Variants in ESYT2 observed in about 807,000 individuals in gnomAD.
ESYT2 encodes the protein extended synaptotagmin-2.
Under a neutral mutation model 107.2 loss-of-function variants are expected in ESYT2, and 54 were observed. That is an observed-to-expected ratio of 0.50 (90% CI 0.40 to 0.63). The LOEUF (loss-of-function observed/expected upper bound fraction) is 0.63, where lower values mean the gene tolerates loss of function less well. Ranked by LOEUF, ESYT2 falls within the 30% of genes least tolerant of loss-of-function variation. The probability of loss-of-function intolerance (pLI) is 0.00; values close to 1 mark genes in which losing one functional copy is unlikely to be tolerated. For synonymous variants in ESYT2, 491 were observed against 434.1 expected, an observed-to-expected ratio of 1.13 and a Z score of -1.63; for missense variants, 1,020 against 1,094.5, an observed-to-expected ratio of 0.93 and a Z score of 0.96.
intron 13 of ESYT2, among the ~76,000 whole-genome samples, chr7:158,757,196 C>T (rs1207826125): frequency 6.6e-6 from 1 of 152,058 alleles, no homozygotes; most frequent in African/African-American, 2.4e-5. Flanking sequence ...AAAATAAATA[C>T]ACAATAGTTA....
At chr7:158,805,482 T>G (rs1839797967) in intron 1 of ESYT2, among the ~76,000 whole-genome samples, 1 of 152,198 alleles carries the variant, frequency 6.6e-6, no homozygotes, top group Non-Finnish European at 1.5e-5. Context: ...AATTACTACC[T>G]CCAATAGTAA....
rs1839167875 is a variant in ESYT2 at position 158,788,048 on chromosome 7, T to C, written c.703A>G (p.Met235Val). Reference sequence around the variant, plus strand: ...ATAGACAAAGCTCCAACTAAGGGCATATCTCCAATCAACGGTTCCAGGATC... The same window carrying C: ...ATAGACAAAGCTCCAACTAAGGGCACATCTCCAATCAACGGTTCCAGGATC... Reference protein sequence around the residue: ...RVILEPLIGDMPLVGALSIFF... With the variant: ...RVILEPLIGDVPLVGALSIFF... The change falls in exon 6 of 23, where the codon ATG becomes GTG. Residue 235 changes from methionine (M) to valine (V), a missense_variant. Transcript: ENST00000275418. The C allele has an allele frequency of 6.2e-7, 1 of 1,614,158 alleles. No individual in the cohort carries two copies. Among genetic ancestry groups the C allele is most frequent in the Non-Finnish European group, 8.5e-7 (1 of 1,179,992 alleles).
intron 1 of ESYT2, among the ~76,000 whole-genome samples, chr7:158,826,770 G>A (rs1188505275): frequency 3.5e-5 from 5 of 141,428 alleles, no homozygotes; most frequent in African/African-American, 1.3e-4. Flanking sequence ...GCAGTGAGTT[G>A]AGATGGTGCC....
chr7:158,815,492 T>C (rs1840126613), intron 1 of ESYT2, among the ~76,000 whole-genome samples: 1 of 152,148 alleles, frequency 6.6e-6, no homozygotes, highest in African/African-American at 2.4e-5. Context: ...CATGCTTAGA[T>C]ATGTGTCCCC....
At chr7:158,767,847 A>G in intron 7 of ESYT2, 73 bp from the exon 8 acceptor site, 1 of 1,522,172 alleles carries the variant, frequency 6.6e-7, no homozygotes, top group Non-Finnish European at 8.9e-7. Context: ...TTGACAACAG[A>G]CTTACCACGA....
intron 22 of ESYT2, 79 bp from the exon 23 acceptor site, chr7:158,734,331 C>T: frequency 3.1e-6 from 5 of 1,611,924 alleles, no homozygotes; most frequent in Non-Finnish European, 4.2e-6. Flanking sequence ...TGTCGGGTTC[C>T]ACCACTGTCT....
Position 158,763,185 on chromosome 7 carries a change from T to C in ESYT2, c.1102-20A>G, listed in dbSNP as rs1445976432. The C allele has an allele frequency of 1.9e-6, 3 of 1,591,846 alleles. No individual in the cohort carries two copies. Among genetic ancestry groups the C allele is most frequent in the Admixed American group, 3.3e-5 (2 of 59,772 alleles). On this transcript the variant is annotated intron_variant, in intron 9 of 22. Transcript: ENST00000275418. ...TAAAGCCTAAAACATCAATGGTTAG[T>C]AGTTAAGTGCATTTTTACTAATATA...
intron 15 of ESYT2, among the ~76,000 whole-genome samples, chr7:158,748,512 G>A (rs1422874492): frequency 6.6e-6 from 1 of 152,136 alleles, no homozygotes; most frequent in Non-Finnish European, 1.5e-5. Context: ...AGCCTTTAGA[G>A]TTTGTCATGA....
chr7:158,775,919 A>G (rs773404553), intron 6 of ESYT2, among the ~76,000 whole-genome samples: 4 of 152,232 alleles, frequency 2.6e-5, no homozygotes, highest in Non-Finnish European at 4.4e-5. Flanking sequence ...TCCTTAAATA[A>G]TAAGACTTGA....
intron 1 of ESYT2, among the ~76,000 whole-genome samples, chr7:158,806,074 C>A (rs1266867689): frequency 6.6e-6 from 1 of 151,110 alleles, no homozygotes; most frequent in East Asian, 1.9e-4. Context: ...CGGGGCACAC[C>A]GCGTGGGAGG....
At chr7:158,785,014 T>C (rs551876755) in intron 6 of ESYT2, among the ~76,000 whole-genome samples, 53 of 152,270 alleles carry the variant, frequency 3.5e-4, no homozygotes, top group African/African-American at 1.3e-3. Context: ...CCTAAAACCG[T>C]ATGCTGCCCA....
In ESYT2 at chr7:158,747,164, T is replaced by C. The variant is rs918376734; in HGVS notation, c.1644+1030A>G. Among the ~76,000 whole-genome samples the C allele has an allele frequency of 9.9e-5, 15 of 151,750 alleles. No individual in the cohort carries two copies. The East Asian group carries it at 2.7e-3, about 28-fold the overall frequency. Reference sequence around the variant, plus strand: ...AGTTCAAGGCCAAGCCTGGCCAACATGGTGAAACCCCGTCTCCACTAAAAA... The same window carrying C: ...AGTTCAAGGCCAAGCCTGGCCAACACGGTGAAACCCCGTCTCCACTAAAAA... On this transcript the variant is annotated intron_variant, in intron 16 of 22. Coordinates refer to ENST00000275418, the MANE Select transcript of ESYT2 (RefSeq NM_001367773.1).
intron 3 of ESYT2, among the ~76,000 whole-genome samples, chr7:158,797,248 A>G (rs1474522438): frequency 6.6e-6 from 1 of 152,126 alleles, no homozygotes; most frequent in East Asian, 1.9e-4. Context: ...CTGGGGCTCA[A>G]GTGATCCTCC....
At chr7:158,762,823 T>C (rs980593153) in intron 10 of ESYT2, among the ~76,000 whole-genome samples, 4 of 152,240 alleles carry the variant, frequency 2.6e-5, no homozygotes, top group Non-Finnish European at 2.9e-5. Flanking sequence ...TAGTTTTTAA[T>C]TTATTTAACT....
chr7:158,763,210 A>C, intron 9 of ESYT2, 45 bp from the exon 10 acceptor site: 1 of 1,383,230 alleles, frequency 7.2e-7, no homozygotes, highest in Non-Finnish European at 1.0e-6. Flanking sequence ...TTACTAATAT[A>C]GTCATACACT....
At position 158,733,960 on chromosome 7, in the gene ESYT2, C is replaced by A; in HGVS notation, c.*247G>T. 1 of 502,776 alleles carries A rather than the reference C, an allele frequency of 2.0e-6. No individual in the cohort carries two copies. Among genetic ancestry groups the A allele is most frequent in the Non-Finnish European group, 3.6e-6 (1 of 278,730 alleles). 31.1% of individuals were successfully genotyped at this position (502,776 alleles called of 1,614,324 possible). On this transcript the variant is annotated 3_prime_UTR_variant, in exon 23 of 23. Transcript: ENST00000275418. ...CACAGCTGAGCAGAGTCCACAGACACAAGAGCTACCGCCGCCCTACTGCAC... is the reference window on the plus strand; with the variant it reads ...CACAGCTGAGCAGAGTCCACAGACAAAAGAGCTACCGCCGCCCTACTGCAC...
chr7:158,804,193 G>A lies in ESYT2; in HGVS notation c.331-5121C>T, dbSNP rs1388775192. On this transcript the variant is annotated intron_variant, in intron 1 of 22. Transcript: ENST00000275418. ...GTGAGGCGCGCGACAAACCCAAACC[G>A]CCGAGAAGGGTGAGGCGCGCGACAA... Among the ~76,000 whole-genome samples, 409 of 55,954 alleles carry A rather than the reference G, an allele frequency of 7.3e-3. 1 individual carries two copies. The highest frequency in any genetic ancestry group is 0.01 in the Non-Finnish European group (327 of 31,528). The allele number at this position is 55,954 out of a possible 152,430, so 36.7% of individuals were successfully genotyped here.
chr7:158,809,474 CAAA>C (rs67422901), intron 1 of ESYT2, among the ~76,000 whole-genome samples: 4 of 49,740 alleles, frequency 8.0e-5, no homozygotes, highest in Admixed American at 2.9e-4. Flanking sequence ...GAATCCATCT[CAAA>C]AAAAAAAAAA....
At chr7:158,753,881 G>A (rs181987577) in intron 13 of ESYT2, among the ~76,000 whole-genome samples, 1 of 152,294 alleles carries the variant, frequency 6.6e-6, no homozygotes, top group African/African-American at 2.4e-5. Flanking sequence ...CGGAAGGACT[G>A]ACATTCTTCG....
Sources: gnomAD v4.1 joint callset for allele counts (sites outside exome capture counted in the v4.1 genomes callset) on GRCh38, gnomAD v4.1.1 for gene constraint, MANE v1.5 for transcripts, NCBI Gene and HGNC (gene_info 2026-07-23, HGNC 2026-07-21) for gene names.